Variants in FASN observed in about 807,000 individuals in gnomAD.
The protein encoded by FASN is fatty acid synthase.
A neutral mutation model predicts 250.0 loss-of-function variants in FASN; 50 were observed. The observed-to-expected ratio is 0.20, with a 90% CI of 0.16 to 0.25. The LOEUF is 0.25. Among genes scored for constraint, FASN ranks in the 10% least tolerant of loss-of-function variants. The probability of loss-of-function intolerance (pLI) is 1.00; values close to 1 mark genes in which losing one functional copy is unlikely to be tolerated. For missense variants in FASN, 3,031 were observed against 3,498.5 expected, an observed-to-expected ratio of 0.87 and a Z score of 3.37; for synonymous variants, 1,909 against 1,584.0, an observed-to-expected ratio of 1.21 and a Z score of -4.87.
rs2034192507 is a variant in FASN at position 82,090,899 on chromosome 17, T to C, written c.1663A>G (p.Ser555Gly). 1.3e-6 allele frequency: 2 copies of C among 1,596,720 alleles called. No homozygotes were observed. The highest frequency in any genetic ancestry group is 1.7e-5 in the Admixed American group (1 of 57,548). Residue 555 changes from serine to glycine, a missense_variant, in exon 10 of 43, where the codon AGC (serine) becomes GGC (glycine). Transcript: ENST00000306749. ...GGCCCTACCTGGATGGCAGTCAGGC[T>C]CACAAACGAATGGACGATGTCATCA... ...TFDDIVHSFV[S>G]LTAIQIGLID...
chr17:82,083,720 C>T lies in FASN; in HGVS notation c.5218+52G>A, dbSNP rs2034033840. On this transcript the variant is annotated intron_variant, in intron 30 of 42. Transcript: ENST00000306749. ...TCCAGAGGGCCAGACCCTGCTTCTC[C>T]CTGGGCCGGAGGCTAGGCAGGAGGC... is the stretch of plus-strand genomic sequence containing the variant. 1.9e-6 allele frequency: 3 copies of T among 1,608,632 alleles called. No individual in the cohort carries two copies. In the Admixed American group the frequency reaches 5.0e-5, roughly 27 times the overall value.
chr17:82,089,449 G>T, intron 12 of FASN, 65 bp from the exon 13 acceptor site: 17 of 1,611,582 alleles, frequency 1.1e-5, no homozygotes, highest in Non-Finnish European at 1.4e-5. Context: ...CGGAGAGGTA[G>T]GGCGCACCCA....
intron 22 of FASN, 93 bp downstream of exon 22, chr17:82,086,161 C>T: frequency 1.3e-6 from 2 of 1,529,000 alleles, no homozygotes; most frequent in Non-Finnish European, 1.7e-6. Context: ...CCGCCCAGGG[C>T]CCGCCCCGTG....
chr17:82,088,716 G>A (rs201600542), intron 15 of FASN, 45 bp downstream of exon 15: 120 of 1,572,106 alleles, frequency 7.6e-5, no homozygotes, highest in African/African-American at 7.3e-4. Flanking sequence ...ACCCCACGCC[G>A]TCCCCGACTC....
intron 5 of FASN, 60 bp from the exon 6 acceptor site, chr17:82,093,079 G>A (rs2034242113): frequency 1.2e-6 from 2 of 1,603,472 alleles, no homozygotes; most frequent in Non-Finnish European, 1.7e-6. Context: ...CACCCCACCA[G>A]GAGGAGCTCT....
In FASN at chr17:82,085,190, G is replaced by T. The variant is rs766777102; in HGVS notation, c.4288-34C>A. On this transcript the variant is annotated intron_variant, in intron 24 of 42. Transcript: ENST00000306749. ...GGTCGGGGAGGGTCAGGCCACACTC[G>T]GCAAGTTGGGAGGTGGGGTGGGGCC... 9 of 1,612,396 alleles carry T rather than the reference G, an allele frequency of 5.6e-6. No homozygotes were observed. In the Admixed American group the frequency reaches 1.5e-4, roughly 27 times the overall value.
At chr17:82,086,670 AG>A (rs1213309106) in intron 21 of FASN, 112 bp from the exon 22 acceptor site, 16 of 822,982 alleles carry the variant, frequency 1.9e-5, no homozygotes, top group Non-Finnish European at 3.2e-5. Context: ...CTCTGCCCAC[AG>A]GATGAGAAAT....
At chr17:82,097,175 CT>C in intron 1 of FASN, 1 of 155,880 alleles carries the variant, frequency 6.4e-6, no homozygotes, top group Non-Finnish European at 1.4e-5. Flanking sequence ...TGGAGAACCA[CT>C]CCTGGCCAGG....
chr17:82,088,049 A>G lies in FASN; in HGVS notation c.2786-15T>C. 2 of 1,612,662 alleles carry G rather than the reference A, an allele frequency of 1.2e-6. No individual in the cohort carries two copies. Among genetic ancestry groups the G allele is most frequent in the Non-Finnish European group, 8.5e-7 (1 of 1,179,932 alleles). ...GGACACTGTCCCTGCAGAGCGGGAG[A>G]GTTGGAGATCAGAGGGCAGCACCCG... is the stretch of plus-strand genomic sequence containing the variant. On this transcript the variant is annotated splice_polypyrimidine_tract_variant and intron_variant, in intron 17 of 42. Transcript: ENST00000306749.
intron 4 of FASN, 22 bp downstream of exon 4, chr17:82,093,576 C>G: frequency 6.2e-7 from 1 of 1,612,716 alleles, no homozygotes; most frequent in Non-Finnish European, 8.5e-7. Flanking sequence ...CCCACCTCCG[C>G]AGGAGGCTGG....
chr17:82,088,240 G>A lies in FASN; in HGVS notation c.2661C>T (p.Pro887=), dbSNP rs564814781. Residue 887 remains proline (P), a synonymous_variant, in exon 17 of 43, where the codon CCC becomes CCT. Coordinates refer to ENST00000306749, the MANE Select transcript of FASN (RefSeq NM_004104.5). ...ACACTATGCTCAGGTAGCCAGTGGC[G>A]GGGAAGAGGACGCGACCGTCGAGGG... The part of the protein sequence containing the change: ...DHTLDGRVLF[P]ATGYLSIVWK... 149 of 1,609,464 alleles carry A rather than the reference G, an allele frequency of 9.3e-5. No individual in the cohort carries two copies. The Middle Eastern group carries it at 1.8e-3, about 20-fold the overall frequency.
chr17:82,090,264 CG>C, intron 11 of FASN, 110 bp downstream of exon 11: 3 of 1,100,734 alleles, frequency 2.7e-6, no homozygotes, highest in African/African-American at 1.6e-5. Context: ...CCCGGGCCAG[CG>C]GGGGCCACTC....
chr17:82,086,686 G>C (rs2034108109), intron 21 of FASN, 128 bp from the exon 22 acceptor site: 2 of 771,308 alleles, frequency 2.6e-6, no homozygotes, highest in Non-Finnish European at 4.4e-6. Context: ...AGAAATAGCT[G>C]AGGGTTGAGG....
chr17:82,089,523 C>A, intron 12 of FASN, 109 bp downstream of exon 12: 1 of 1,554,796 alleles, frequency 6.4e-7, no homozygotes, highest in Admixed American at 1.8e-5. Flanking sequence ...GCCCCATGCC[C>A]CAGGCCCGTC....
chr17:82,081,602 C>T lies in FASN; in HGVS notation c.6405G>A (p.Leu2135=), dbSNP rs539151213. 2 of 1,612,396 alleles carry T rather than the reference C, an allele frequency of 1.2e-6. No individual in the cohort carries two copies. The highest frequency in any genetic ancestry group is 1.1e-5 in the South Asian group (1 of 91,082). ...GCGGCTCCTACTGGGAGTGCTCACC[C>T]AGGATGTGTGCCACGGCCTCCACCA... is the stretch of plus-strand genomic sequence containing the variant. ...RDLVEAVAHI[L]GIRDLAAVNL... is the part of the protein sequence containing the mutation. The change falls in exon 37 of 43, where the codon CTG becomes CTA. Residue 2135 remains leucine, a splice_region_variant and synonymous_variant. Coordinates refer to ENST00000306749, the MANE Select transcript of FASN (RefSeq NM_004104.5).
chr17:82,092,244 G>C (rs1254780157), intron 8 of FASN, among the ~76,000 whole-genome samples: 3 of 152,216 alleles, frequency 2.0e-5, no homozygotes, highest in Non-Finnish European at 4.4e-5. Flanking sequence ...CAGGCCTCCA[G>C]GGAAGGCCCA....
rs1296617404 is a variant in FASN at position 82,085,717 on chromosome 17, T to G, written c.3887A>C (p.Gln1296Pro). 1.9e-6 allele frequency: 3 copies of G among 1,567,124 alleles called. No homozygotes were observed. Among genetic ancestry groups the G allele is most frequent in the South Asian group, 1.2e-5 (1 of 85,578 alleles). The change falls in exon 23 of 43, where the codon CAG (glutamine) becomes CCG (proline). Residue 1296 changes from glutamine (Q) to proline (P), a missense_variant. Coordinates refer to ENST00000306749, the MANE Select transcript of FASN (RefSeq NM_004104.5). The part of the protein sequence containing the change: ...ELQQHDVAQG[Q>P]WDPADPAPSA... Reference sequence around the variant, plus strand: ...GGGGGCAGGGTCTGCGGGATCCCACTGGCCCTGGGCAACGTCGTGCTGCTG... The same window carrying G: ...GGGGGCAGGGTCTGCGGGATCCCACGGGCCCTGGGCAACGTCGTGCTGCTG...
chr17:82,085,365 C>A lies in FASN; in HGVS notation c.4160G>T (p.Arg1387Leu). The change falls in exon 24 of 43, where the codon CGC becomes CTC. Residue 1387 changes from arginine to leucine, a missense_variant. Transcript: ENST00000306749. ...WESLFSRVSL[R>L]LVGLKKSFYG... ...GAAGGACTTCTTCAGGCCCACCAGGCGCAGCGACACCCTGGAGAAGAGGCT... is the reference window on the plus strand; with the variant it reads ...GAAGGACTTCTTCAGGCCCACCAGGAGCAGCGACACCCTGGAGAAGAGGCT... 1 of 1,611,658 alleles carries A rather than the reference C, an allele frequency of 6.2e-7. No individual in the cohort carries two copies. Among genetic ancestry groups the A allele is most frequent in the Non-Finnish European group, 8.5e-7 (1 of 1,179,568 alleles).
chr17:82,086,676 A>G (rs1568110835), intron 21 of FASN, 118 bp from the exon 22 acceptor site: 2 of 803,604 alleles, frequency 2.5e-6, no homozygotes, highest in African/African-American at 1.7e-5. Context: ...CCACAGGATG[A>G]GAAATAGCTG....
Sources: allele counts gnomAD v4.1 joint callset (sites outside exome capture counted in the v4.1 genomes callset), GRCh38; gene constraint gnomAD v4.1.1; transcripts MANE v1.5; gene names NCBI Gene and HGNC (gene_info 2026-07-23, HGNC 2026-07-21).